Variants in ANKS3 observed in about 807,000 individuals in gnomAD.
ANKS3 encodes ankyrin repeat and SAM domain-containing protein 3.
In ANKS3, 62 loss-of-function variants were observed where a neutral mutation model predicts 80.7. The ratio of observed to expected loss-of-function variants is 0.77; its 90% CI spans 0.63 to 0.95. The LOEUF (loss-of-function observed/expected upper bound fraction) is 0.95, where lower values mean the gene tolerates loss of function less well. ANKS3 is among the 40% of genes least tolerant of loss of function. The pLI is 0.00. For synonymous variants in ANKS3, 489 were observed against 355.3 expected (o/e 1.38, Z -4.23); for missense variants, 1,150 against 883.6 (o/e 1.30, Z -3.82).
rs1284673579 is a variant in ANKS3, at chr16:4,696,998, C to T, written c.*11+19G>A. ...CCTGCTGCTCCCACCACGCGGGATC[C>T]AGGCTGGCAGACACTCACCGGCCCG... On this transcript the variant is annotated intron_variant, in intron 17 of 17. Coordinates refer to ENST00000304283, the MANE Select transcript of ANKS3 (RefSeq NM_133450.4). 5.0e-6 allele frequency: 8 copies of T among 1,610,632 alleles called. No individual in the cohort carries two copies. The highest frequency in any genetic ancestry group is 6.8e-6 in the Non-Finnish European group (8 of 1,178,716).
intron 7 of ANKS3, among the ~76,000 whole-genome samples, chr16:4,712,266 G>C (rs577047059): frequency 5.1e-4 from 78 of 152,172 alleles, no homozygotes; most frequent in Middle Eastern, 3.4e-3. Flanking sequence ...AGCTACTCGG[G>C]AGGCTGAGGC....
intron 6 of ANKS3, among the ~76,000 whole-genome samples, chr16:4,721,079 G>A (rs2081066670): frequency 6.6e-6 from 1 of 150,736 alleles, no homozygotes; most frequent in Non-Finnish European, 1.5e-5. Flanking sequence ...GCCAAGGTGG[G>A]CGGATCACGA....
intron 1 of ANKS3, 94 bp downstream of exon 1, chr16:4,733,844 C>T: frequency 3.5e-6 from 3 of 852,226 alleles, no homozygotes; most frequent in Non-Finnish European, 4.2e-6. Context: ...TCTGTGAAAG[C>T]ACCCAGGCAC....
At chr16:4,727,509 C>A in intron 3 of ANKS3, 1 of 384,620 alleles carries the variant, frequency 2.6e-6, no homozygotes, top group Non-Finnish European at 4.9e-6. Flanking sequence ...TTGGTTCTCA[C>A]AACTGGGCAG....
At chr16:4,701,353 C>A (rs1311271276) in intron 10 of ANKS3, 81 bp downstream of exon 10, 20 of 1,401,706 alleles carry the variant, frequency 1.4e-5, no homozygotes, top group Admixed American at 2.3e-5. Context: ...TACATACATG[C>A]TCATCTTAAA....
intron 7 of ANKS3, among the ~76,000 whole-genome samples, chr16:4,709,691 A>C (rs1285181026): frequency 6.6e-6 from 1 of 152,236 alleles, no homozygotes; most frequent in Non-Finnish European, 1.5e-5. Flanking sequence ...GACTATGTTC[A>C]GTAAAATAAG....
rs141766002 is a variant in ANKS3 at position 4,714,162 on chromosome 16, G to T, written c.598C>A (p.His200Asn). The change falls in exon 7 of 18, where the codon CAC becomes AAC. Residue 200 changes from histidine to asparagine, a missense_variant. Coordinates refer to ENST00000304283, the MANE Select transcript of ANKS3 (RefSeq NM_133450.4). ...NHGVKVDARDHSGATARMLAK... is the reference protein window; with the variant it reads ...NHGVKVDARDNSGATARMLAK... ...AGCATCCGGGCTGTGGCTCCACTGTGGTCTCTCGCGTCCACCTTGACTCCC... is the reference window on the plus strand; with the variant it reads ...AGCATCCGGGCTGTGGCTCCACTGTTGTCTCTCGCGTCCACCTTGACTCCC... The T allele has an allele frequency of 6.8e-6, 11 of 1,614,008 alleles. No homozygotes were observed. The highest frequency in any genetic ancestry group is 1.3e-5 in the African/African-American group (1 of 74,910).
At chr16:4,701,974 C>T in intron 9 of ANKS3, 128 bp downstream of exon 9, 2 of 1,212,776 alleles carry the variant, frequency 1.6e-6, no homozygotes, top group Non-Finnish European at 2.2e-6. Context: ...CCGTCCACAC[C>T]TACCCCTTTC....
chr16:4,720,787 A>G (rs138047571), intron 6 of ANKS3, among the ~76,000 whole-genome samples: 1,738 of 150,456 alleles, frequency 0.012, 44 homozygotes, highest in African/African-American at 0.041. Context: ...AAAATACAAA[A>G]TTAGCTGGGC....
At chr16:4,697,791 G>T (rs1421363185) in intron 15 of ANKS3, among the ~76,000 whole-genome samples, 186 bp downstream of exon 15, 1 of 152,206 alleles carries the variant, frequency 6.6e-6, no homozygotes, top group East Asian at 1.9e-4. Flanking sequence ...CCTGTCACAG[G>T]TGAGGAAGTG....
chr16:4,720,689 T>G (rs1241511695), intron 6 of ANKS3, among the ~76,000 whole-genome samples: 1 of 149,912 alleles, frequency 6.7e-6, no homozygotes, highest in Non-Finnish European at 1.5e-5. Context: ...GCCTGTAATC[T>G]CAGCACTTTG....
chr16:4,730,134 C>G lies in ANKS3; in HGVS notation c.16G>C (p.Asp6His). 1 of 1,572,054 alleles carries G rather than the reference C, an allele frequency of 6.4e-7. No individual in the cohort carries two copies. Among genetic ancestry groups the G allele is most frequent in the Non-Finnish European group, 8.7e-7 (1 of 1,154,962 alleles). MSELS[D>H]EASEPELLNR... ...AGGAGTTCCGGCTCGCTGGCTTCAT[C>G]GCTGAGCTCGGACATCACTGAGGAG... is the stretch of plus-strand genomic sequence containing the variant. The change falls in exon 3 of 18, where the codon GAT becomes CAT. Residue 6 changes from aspartate to histidine, a missense_variant. Physicochemically the swap from Asp to His is moderately conservative, Grantham distance 81. Coordinates refer to ENST00000304283, the MANE Select transcript of ANKS3 (RefSeq NM_133450.4).
chr16:4,724,056 T>C (rs1056563067), intron 6 of ANKS3, among the ~76,000 whole-genome samples: 11 of 151,988 alleles, frequency 7.2e-5, no homozygotes, highest in Non-Finnish European at 1.6e-4. Context: ...CAACACCATG[T>C]CTCAAAAAAA....
At chr16:4,704,345 G>A (rs1309957858) in intron 8 of ANKS3, among the ~76,000 whole-genome samples, 12 of 152,152 alleles carry the variant, frequency 7.9e-5, no homozygotes, top group Admixed American at 3.3e-4. Context: ...CCTTGCTCCC[G>A]AGAAGGACCA....
chr16:4,707,046 G>A (rs1336134592), intron 7 of ANKS3, among the ~76,000 whole-genome samples: 1 of 152,142 alleles, frequency 6.6e-6, no homozygotes, highest in Non-Finnish European at 1.5e-5. Flanking sequence ...AAGATCTATA[G>A]CACTCCAGGG....
chr16:4,725,304 G>A (rs1299670598), intron 5 of ANKS3, among the ~76,000 whole-genome samples: 1 of 152,176 alleles, frequency 6.6e-6, no homozygotes, highest in East Asian at 1.9e-4. Flanking sequence ...GCTTGGTTAT[G>A]CTAACTCGGC....
chr16:4,704,872 C>G (rs1472674949), intron 8 of ANKS3, among the ~76,000 whole-genome samples: 2 of 152,188 alleles, frequency 1.3e-5, no homozygotes, highest in African/African-American at 4.8e-5. Context: ...AAAGGAAACT[C>G]CAGGAGATAA....
intron 3 of ANKS3, 49 bp from the exon 4 acceptor site, chr16:4,727,226 G>C (rs367773587): frequency 6.8e-5 from 109 of 1,592,828 alleles, no homozygotes; most frequent in Admixed American, 1.7e-4. Context: ...CTCGCATGTG[G>C]GGTTCACCAA....
chr16:4,725,225 C>A lies in ANKS3; in HGVS notation c.492-394G>T, dbSNP rs1434125206. 6.1e-5 allele frequency: 10 copies of A among 163,062 alleles called. No individual in the cohort carries two copies. The East Asian group carries it at 1.6e-3, about 26-fold the overall frequency. The allele number at this position is 163,062 out of a possible 1,614,324, so 10.1% of individuals were successfully genotyped here. A position where few individuals can be genotyped will look rare whatever the true frequency, so the allele number is the denominator to read the frequency against. On this transcript the variant is annotated intron_variant, in intron 5 of 17. Coordinates refer to ENST00000304283, the MANE Select transcript of ANKS3 (RefSeq NM_133450.4). ...GTTCAACGTCCTCCATGAACCCACT[C>A]TGAAAAGTTCAAGTACTAATGATCT...
Sources: gnomAD v4.1 joint callset for allele counts (sites outside exome capture counted in the v4.1 genomes callset) on GRCh38, gnomAD v4.1.1 for gene constraint, MANE v1.5 for transcripts, NCBI Gene and HGNC (gene_info 2026-07-23, HGNC 2026-07-21) for gene names.